The following RAB30 variants were observed in gnomAD, a reference collection of about 807,000 sequenced individuals.
RAB30 encodes RAB30, member RAS oncogene family, also known as ras-related protein Rab-30.
Under a neutral mutation model 25.1 loss-of-function variants are expected in RAB30, and 9 were observed. That is an observed-to-expected ratio of 0.36 (90% confidence interval 0.22 to 0.63). The LOEUF (loss-of-function observed/expected upper bound fraction) is 0.63. Ranked by LOEUF, RAB30 falls within the 20% of genes least tolerant of loss-of-function variation. The pLI, the probability that RAB30 is intolerant of heterozygous loss-of-function variation, is 0.69. For synonymous variants in RAB30, 77 were observed against 86.4 expected (o/e 0.89, Z 0.60); for missense variants, 140 against 243.5 (o/e 0.58, Z 2.83).
intron 1 of RAB30, among the ~76,000 whole-genome samples, chr11:83,016,516 G>A (rs559878102): frequency 6.6e-6 from 1 of 152,286 alleles, no homozygotes; most frequent in East Asian, 1.9e-4. Context: ...CCAGTGATTA[G>A]ATAAATTTAA....
At chr11:83,066,659 T>C (rs1858705084) in intron 1 of RAB30, among the ~76,000 whole-genome samples, 1 of 152,172 alleles carries the variant, frequency 6.6e-6, no homozygotes, top group Admixed American at 6.5e-5. Context: ...GAAGTGATTC[T>C]CCTGCCTCAG....
At chr11:83,040,579 C>T (rs780583464) in intron 1 of RAB30, among the ~76,000 whole-genome samples, 51 of 135,726 alleles carry the variant, frequency 3.8e-4, no homozygotes, top group African/African-American at 1.2e-3. Context: ...GCAACAAGAG[C>T]GAAACTCTGT....
chr11:83,060,614 A>G (rs1220390855), intron 1 of RAB30, among the ~76,000 whole-genome samples: 1 of 152,246 alleles, frequency 6.6e-6, no homozygotes, highest in Non-Finnish European at 1.5e-5. Context: ...AATAATGAGA[A>G]AACAATCAGA....
intron 1 of RAB30, among the ~76,000 whole-genome samples, chr11:83,026,367 G>A (rs1262693372): frequency 6.6e-6 from 1 of 152,212 alleles, no homozygotes; most frequent in South Asian, 2.1e-4. Flanking sequence ...TTTGGATCAT[G>A]GGATAGATCC....
At position 82,980,769 on chromosome 11, in the gene RAB30, G is replaced by C. The variant is rs1856623212; in HGVS notation, c.*1396C>G. The C allele has an allele frequency of 6.7e-6, 1 of 149,058 alleles. No individual in the cohort carries two copies. 9.2% of individuals were successfully genotyped at this position (149,058 alleles called of 1,614,324 possible). On this transcript the variant is annotated 3_prime_UTR_variant, in exon 5 of 5. Transcript: ENST00000527633. ...CTGTTTTTAAATTGGCTAAGTAAAGGCATATACACCTCCATTTGAATTGGA... is the reference window on the plus strand; with the variant it reads ...CTGTTTTTAAATTGGCTAAGTAAAGCCATATACACCTCCATTTGAATTGGA...
rs563092415 is a variant in RAB30 at position 82,981,196 on chromosome 11, AT to A, written c.*968del. ...GCACTACAGTCCATTAATCCACAGT[AT>A]TTTGGTCATATCTGGTCTGTTTCCT... On this transcript the variant is annotated 3_prime_UTR_variant, in exon 5 of 5. Transcript: ENST00000527633. The A allele has an allele frequency of 1.6e-3, 249 of 152,304 alleles. No individual in the cohort carries two copies. Among genetic ancestry groups the A allele is most frequent in the African/African-American group, 5.8e-3 (239 of 41,552 alleles). 9.4% of individuals were successfully genotyped at this position (152,304 alleles called of 1,614,324 possible).
At chr11:83,042,130 C>T (rs1320191663) in intron 1 of RAB30, among the ~76,000 whole-genome samples, 1 of 152,042 alleles carries the variant, frequency 6.6e-6, no homozygotes, top group Admixed American at 6.6e-5. Flanking sequence ...TATATTCCTT[C>T]AGGCAGGGAA....
chr11:82,982,054 C>T lies in RAB30; in HGVS notation c.*111G>A. ...CATGCTTTGTAAGCTCAGGAGCCCA[C>T]AGGAGTCAGAAGGTCAGAGAGCGGG... On this transcript the variant is annotated 3_prime_UTR_variant, in exon 5 of 5. Coordinates refer to ENST00000527633, the MANE Select transcript of RAB30 (RefSeq NM_001286060.2). 6.9e-7 allele frequency: 1 copy of T among 1,451,060 alleles called. No individual in the cohort carries two copies. Among genetic ancestry groups the T allele is most frequent in the Non-Finnish European group, 9.4e-7 (1 of 1,061,282 alleles). The allele number at this position is 1,451,060 out of a possible 1,614,324, so 89.9% of individuals were successfully genotyped here.
intron 1 of RAB30, among the ~76,000 whole-genome samples, chr11:82,998,295 TAGAA>T (rs1565271496): frequency 6.6e-6 from 1 of 152,200 alleles, no homozygotes; most frequent in African/African-American, 2.4e-5. Flanking sequence ...CCAACTGCGC[TAGAA>T]AGACTGTGAC....
At position 82,978,703 on chromosome 11, in the gene RAB30, T is replaced by A. The variant is rs1856588489; in HGVS notation, c.*3462A>T. 6.6e-6 allele frequency: 1 copy of A among 152,180 alleles called. No individual in the cohort carries two copies. Among genetic ancestry groups the A allele is most frequent in the South Asian group, 2.1e-4 (1 of 4,828 alleles). 9.4% of individuals were successfully genotyped at this position (152,180 alleles called of 1,614,324 possible). A position where few individuals can be genotyped will look rare whatever the true frequency, so the allele number is the denominator to read the frequency against. Reference sequence around the variant, plus strand: ...TAATGTGGCAAATCATTGGCCTAATTCTGTGGGAATCACCAGTGTCCTCCC... The same window carrying A: ...TAATGTGGCAAATCATTGGCCTAATACTGTGGGAATCACCAGTGTCCTCCC... On this transcript the variant is annotated 3_prime_UTR_variant, in exon 5 of 5. Coordinates refer to ENST00000527633, the MANE Select transcript of RAB30 (RefSeq NM_001286060.2).
chr11:83,045,950 C>T (rs1858224290), intron 1 of RAB30, among the ~76,000 whole-genome samples: 1 of 152,170 alleles, frequency 6.6e-6, no homozygotes, highest in Admixed American at 6.5e-5. Context: ...CCTAAAATCT[C>T]TTCAAGCTCT....
At chr11:83,044,252 A>T (rs192695082) in intron 1 of RAB30, among the ~76,000 whole-genome samples, 2 of 152,238 alleles carry the variant, frequency 1.3e-5, no homozygotes, top group East Asian at 3.8e-4. Context: ...AATCTTACCA[A>T]TATAACCAAA....
chr11:82,987,501 G>T, intron 4 of RAB30, 86 bp downstream of exon 4: 1 of 1,301,666 alleles, frequency 7.7e-7, no homozygotes, highest in Non-Finnish European at 1.0e-6. Flanking sequence ...CTATATTCTT[G>T]GAAGGCACCA....
chr11:83,026,340 T>G (rs1446778026), intron 1 of RAB30, among the ~76,000 whole-genome samples: 1 of 152,220 alleles, frequency 6.6e-6, no homozygotes, highest in Non-Finnish European at 1.5e-5. Context: ...GTTGGAGGTG[T>G]GGCCTAGTGT....
At chr11:83,007,770 T>A (rs562382007) in intron 1 of RAB30, among the ~76,000 whole-genome samples, 1 of 152,198 alleles carries the variant, frequency 6.6e-6, no homozygotes, top group South Asian at 2.1e-4. Context: ...GGCTCAGATG[T>A]GCCTGGAAAT....
intron 1 of RAB30, among the ~76,000 whole-genome samples, chr11:83,054,590 G>A (rs1483219380): frequency 6.6e-6 from 1 of 152,124 alleles, no homozygotes; most frequent in Non-Finnish European, 1.5e-5. Context: ...GCCACGCATG[G>A]TGGCACACCT....
At chr11:82,998,658 CA>C (rs1231853457) in intron 1 of RAB30, among the ~76,000 whole-genome samples, 1 of 149,352 alleles carries the variant, frequency 6.7e-6, no homozygotes, top group Admixed American at 6.7e-5. Flanking sequence ...ACAGGAAATA[CA>C]GAGAAGAGAC....
At chr11:83,012,752 G>A (rs12294338) in intron 1 of RAB30, among the ~76,000 whole-genome samples, 5,322 of 152,184 alleles carry the variant, frequency 0.035, 321 homozygotes, top group African/African-American at 0.12. Context: ...ATTGTTGGGC[G>A]AAAGTTCAAA....
At chr11:83,043,157 T>C (rs557670088) in intron 1 of RAB30, among the ~76,000 whole-genome samples, 2 of 152,300 alleles carry the variant, frequency 1.3e-5, no homozygotes, top group Non-Finnish European at 2.9e-5. Flanking sequence ...GCTGTGCCAA[T>C]TCCAAGCCTA....
Sources: gnomAD v4.1 joint callset for allele counts (sites outside exome capture counted in the v4.1 genomes callset) on GRCh38, gnomAD v4.1.1 for gene constraint, MANE v1.5 for transcripts, NCBI Gene and HGNC (gene_info 2026-07-23, HGNC 2026-07-21) for gene names.